Variants in PTER observed in about 807,000 individuals in gnomAD.
PTER encodes phosphotriesterase related, also known as N-acetyltaurine hydrolase.
PTER carries 38 observed loss-of-function variants against 29.6 expected under a neutral mutation model. The observed-to-expected ratio is 1.28, with a 90% confidence interval of 0.99 to 1.68. The LOEUF is 1.68. Ranked by LOEUF, PTER falls within the 40% of genes most tolerant of loss-of-function variation. The probability of loss-of-function intolerance (pLI) is 0.00; values close to 1 mark genes in which losing one functional copy is unlikely to be tolerated. For synonymous variants in PTER, 172 were observed against 154.5 expected (o/e 1.11, Z -0.84); for missense variants, 482 against 427.8 (o/e 1.13, Z -1.12).
At chr10:16,471,940 C>T (rs1402015827) in intron 1 of PTER, among the ~76,000 whole-genome samples, 1 of 152,174 alleles carries the variant, frequency 6.6e-6, no homozygotes, top group East Asian at 1.9e-4. Context: ...ACTTTTCAGA[C>T]AAGTTGGGCA....
chr10:16,490,612 A>G (rs1232748150), intron 3 of PTER, among the ~76,000 whole-genome samples: 1 of 151,478 alleles, frequency 6.6e-6, no homozygotes, highest in Non-Finnish European at 1.5e-5. Context: ...TAAACCAAGC[A>G]TTTCAAAATA....
intron 1 of PTER, among the ~76,000 whole-genome samples, chr10:16,470,544 G>A (rs1835008307): frequency 6.6e-6 from 1 of 152,232 alleles, no homozygotes; most frequent in African/African-American, 2.4e-5. Context: ...GAGGCAGGCA[G>A]ATCACTTGAG....
chr10:16,464,417 A>G (rs1209593410), intron 1 of PTER, among the ~76,000 whole-genome samples: 1 of 152,190 alleles, frequency 6.6e-6, no homozygotes, highest in East Asian at 1.9e-4. Context: ...TCAAACTATG[A>G]TTATTACAAT....
At chr10:16,478,939 AGAG>A (rs149454367) in intron 1 of PTER, among the ~76,000 whole-genome samples, 93 of 152,312 alleles carry the variant, frequency 6.1e-4, no homozygotes, top group African/African-American at 2.1e-3. Context: ...GAGCTGACCC[AGAG>A]GAGGAGACCT....
chr10:16,477,950 A>T (rs1295819126), intron 1 of PTER, among the ~76,000 whole-genome samples: 1 of 152,184 alleles, frequency 6.6e-6, no homozygotes, highest in East Asian at 1.9e-4. Context: ...GTTTCATGGG[A>T]CAGAAAATCC....
intron 1 of PTER, among the ~76,000 whole-genome samples, chr10:16,444,123 T>C (rs1286765475): frequency 1.3e-5 from 2 of 151,470 alleles, no homozygotes; most frequent in Non-Finnish European, 2.9e-5. Flanking sequence ...TGCCTCAGCC[T>C]CCCGAGTAGC....
intron 1 of PTER, among the ~76,000 whole-genome samples, chr10:16,482,907 A>T (rs1835532754): frequency 6.6e-6 from 1 of 151,862 alleles, no homozygotes; most frequent in Non-Finnish European, 1.5e-5. Context: ...TCAGCCTCCC[A>T]AGTAGCTAGG....
chr10:16,462,587 T>C (rs1834656221), intron 1 of PTER, among the ~76,000 whole-genome samples: 1 of 151,030 alleles, frequency 6.6e-6, no homozygotes, highest in Non-Finnish European at 1.5e-5. Context: ...TTTTTTTTTT[T>C]TGAGACAGAG....
chr10:16,473,712 G>A (rs1290572304), intron 1 of PTER, among the ~76,000 whole-genome samples: 1 of 152,004 alleles, frequency 6.6e-6, no homozygotes, highest in Admixed American at 6.6e-5. Flanking sequence ...AAACCTTAAA[G>A]ATGCAGTTTG....
chr10:16,485,676 A>T (rs1012519241), intron 2 of PTER, among the ~76,000 whole-genome samples: 1 of 152,182 alleles, frequency 6.6e-6, no homozygotes, highest in African/African-American at 2.4e-5. Flanking sequence ...AGGATTATAT[A>T]TTCTTCCAAC....
At chr10:16,502,486 T>C (rs1237750124) in intron 3 of PTER, among the ~76,000 whole-genome samples, 2 of 152,048 alleles carry the variant, frequency 1.3e-5, no homozygotes, top group Non-Finnish European at 2.9e-5. Context: ...CATTTTATAG[T>C]AGAAAGGAAA....
chr10:16,468,198 C>T (rs539182057), intron 1 of PTER, among the ~76,000 whole-genome samples: 20 of 152,076 alleles, frequency 1.3e-4, no homozygotes, highest in South Asian at 2.1e-4. Flanking sequence ...AAAAATTAGC[C>T]GAGTGTGGTG....
chr10:16,481,316 G>A (rs1006000865), intron 1 of PTER, among the ~76,000 whole-genome samples: 3 of 152,168 alleles, frequency 2.0e-5, no homozygotes, highest in East Asian at 3.9e-4. Flanking sequence ...TGCTCTCATC[G>A]TTCCTTACCT....
intron 1 of PTER, among the ~76,000 whole-genome samples, chr10:16,480,321 C>A (rs1184219210): frequency 6.6e-6 from 1 of 151,460 alleles, no homozygotes; most frequent in Non-Finnish European, 1.5e-5. Flanking sequence ...TCCCGAGTAG[C>A]CTCCCGAGTG....
chr10:16,490,825 A>G (rs889252389), intron 3 of PTER, among the ~76,000 whole-genome samples: 2 of 151,696 alleles, frequency 1.3e-5, no homozygotes, highest in African/African-American at 4.8e-5. Flanking sequence ...ATAGAAAACA[A>G]GCTTTCACTG....
chr10:16,486,694 C>A, intron 3 of PTER, 77 bp downstream of exon 3: 1 of 1,447,478 alleles, frequency 6.9e-7, no homozygotes, highest in Non-Finnish European at 9.3e-7. Context: ...CTACAGTAAT[C>A]AGTCAATGCA....
At chr10:16,504,363 G>A (rs1007859310) in intron 3 of PTER, among the ~76,000 whole-genome samples, 1 of 151,854 alleles carries the variant, frequency 6.6e-6, no homozygotes, top group Non-Finnish European at 1.5e-5. Flanking sequence ...GACATCTATT[G>A]AAATGAGAAG....
chr10:16,508,727 G>A (rs1836694316), intron 4 of PTER, among the ~76,000 whole-genome samples: 1 of 152,052 alleles, frequency 6.6e-6, no homozygotes, highest in South Asian at 2.1e-4. Flanking sequence ...CCATACGTAC[G>A]TGTATGTGTG....
chr10:16,507,585 C>T (rs11815876), intron 4 of PTER, among the ~76,000 whole-genome samples: 2,836 of 152,268 alleles, frequency 0.019, 88 homozygotes, highest in African/African-American at 0.064. Context: ...GTCACATTTA[C>T]GTCTGTATGC....
Sources: allele counts gnomAD v4.1 joint callset (sites outside exome capture counted in the v4.1 genomes callset), GRCh38; gene constraint gnomAD v4.1.1; transcripts MANE v1.5; gene names NCBI Gene and HGNC (gene_info 2026-07-23, HGNC 2026-07-21).